The following FGF14 variants were observed in gnomAD, a reference collection of about 807,000 sequenced individuals.
FGF14 encodes fibroblast growth factor 14.
A neutral mutation model predicts 25.5 loss-of-function variants in FGF14; 5 were observed. The observed-to-expected ratio is 0.20, with a 90% confidence interval of 0.10 to 0.41. FGF14 has a LOEUF of 0.41. Ranked by LOEUF, FGF14 falls within the 10% of genes least tolerant of loss-of-function variation. The probability of loss-of-function intolerance (pLI) is 1.00; values close to 1 mark genes in which losing one functional copy is unlikely to be tolerated. For synonymous variants in FGF14, 138 were observed against 118.3 expected, an observed-to-expected ratio of 1.17 and a Z score of -1.08; for missense variants, 222 against 320.1, an observed-to-expected ratio of 0.69 and a Z score of 2.34.
intron 4 of FGF14, among the ~76,000 whole-genome samples, chr13:101,723,566 A>G (rs2035147907): frequency 6.6e-6 from 1 of 152,074 alleles, no homozygotes; most frequent in African/African-American, 2.4e-5. Flanking sequence ...TTCAATGTTC[A>G]TTTCCTACAA....
chr13:102,033,779 T>A (rs1595061968), intron 1 of FGF14, among the ~76,000 whole-genome samples: 2 of 152,258 alleles, frequency 1.3e-5, no homozygotes, highest in South Asian at 4.1e-4. Flanking sequence ...TTGCAAAGAA[T>A]CGTTTGGTTT....
At chr13:102,295,174 G>A (rs2054635509) in intron 1 of FGF14, among the ~76,000 whole-genome samples, 1 of 152,064 alleles carries the variant, frequency 6.6e-6, no homozygotes, top group East Asian at 1.9e-4. Context: ...TTATCACCAG[G>A]CATTTGTTCC....
At chr13:101,936,063 A>G (rs571001901) in intron 1 of FGF14, among the ~76,000 whole-genome samples, 8 of 152,296 alleles carry the variant, frequency 5.3e-5, no homozygotes, top group African/African-American at 1.4e-4. Context: ...CATGTACTGA[A>G]TGCCAGGCAC....
chr13:101,819,678 TCTC>T (rs1416027332), intron 3 of FGF14, among the ~76,000 whole-genome samples: 3 of 152,212 alleles, frequency 2.0e-5, no homozygotes, highest in African/African-American at 7.2e-5. Flanking sequence ...CAAGAAGGTA[TCTC>T]CTATTTTCTA....
chr13:101,897,412 A>C (rs1378222486), intron 1 of FGF14, among the ~76,000 whole-genome samples: 1 of 152,226 alleles, frequency 6.6e-6, no homozygotes, highest in Non-Finnish European at 1.5e-5. Flanking sequence ...TGGCAGCAGC[A>C]TCACAATGAA....
intron 1 of FGF14, among the ~76,000 whole-genome samples, chr13:101,959,717 A>C (rs17687732): frequency 6.6e-6 from 1 of 152,070 alleles, no homozygotes; most frequent in African/African-American, 2.4e-5. Flanking sequence ...TGTTTTGTTC[A>C]TACTCTATTT....
intron 1 of FGF14, chr13:102,293,426 A>T (rs974526336): frequency 6.6e-6 from 1 of 152,210 alleles, no homozygotes; most frequent in Non-Finnish European, 1.5e-5. Flanking sequence ...TACCATAGGT[A>T]CTGCATTTGT....
chr13:101,807,646 C>T (rs2041276199), intron 3 of FGF14, among the ~76,000 whole-genome samples: 1 of 151,728 alleles, frequency 6.6e-6, no homozygotes, highest in African/African-American at 2.4e-5. Flanking sequence ...ACCCTTAGGC[C>T]AGGGAAAATA....
chr13:101,795,209 A>G (rs1390659189), intron 3 of FGF14, among the ~76,000 whole-genome samples: 1 of 152,118 alleles, frequency 6.6e-6, no homozygotes, highest in African/African-American at 2.4e-5. Context: ...CTGCATTCCA[A>G]TAAAGCTTTA....
rs201546903 is a variant in FGF14, at chr13:102,261,591, G to A, written c.208+139880C>T. Among the ~76,000 whole-genome samples, 4 of 152,158 alleles carry A rather than the reference G, an allele frequency of 2.6e-5. No individual in the cohort carries two copies. The East Asian group carries it at 7.7e-4, about 29-fold the overall frequency. On this transcript the variant is annotated intron_variant, in intron 1 of 4. Coordinates refer to the FGF14 transcript ENST00000376131. ...GAAGGAAAGATGACAGCAGGCCTCA[G>A]AAATAATGACTAAATAGTTCCTTTC...
chr13:102,334,537 T>G (rs1364567546), intron 1 of FGF14, among the ~76,000 whole-genome samples: 1 of 152,100 alleles, frequency 6.6e-6, no homozygotes, highest in Non-Finnish European at 1.5e-5. Context: ...ATAAAACAAA[T>G]GAGATGTTCT....
chr13:102,144,130 C>T (rs1429243048), intron 1 of FGF14, among the ~76,000 whole-genome samples: 1 of 152,172 alleles, frequency 6.6e-6, no homozygotes, highest in Non-Finnish European at 1.5e-5. Flanking sequence ...GTCCTCCCAC[C>T]TCAGCCTACT....
chr13:102,244,142 T>C (rs2051740735), intron 1 of FGF14, among the ~76,000 whole-genome samples: 1 of 152,096 alleles, frequency 6.6e-6, no homozygotes, highest in Admixed American at 6.6e-5. Context: ...GTATTCTCCA[T>C]GTGTCCTGTA....
At chr13:101,758,542 G>T (rs1247950703) in intron 3 of FGF14, among the ~76,000 whole-genome samples, 7 of 152,086 alleles carry the variant, frequency 4.6e-5, no homozygotes. Flanking sequence ...AGCATAACAT[G>T]GTAACTATGT....
intron 3 of FGF14, among the ~76,000 whole-genome samples, chr13:101,735,866 T>C (rs2036152483): frequency 6.6e-6 from 1 of 152,126 alleles, no homozygotes; most frequent in East Asian, 1.9e-4. Flanking sequence ...GAACATTGTC[T>C]AAAAGAAAAA....
chr13:102,112,347 C>T (rs553801739), intron 1 of FGF14, among the ~76,000 whole-genome samples: 5 of 152,100 alleles, frequency 3.3e-5, no homozygotes, highest in Non-Finnish European at 4.4e-5. Context: ...AGGTCCCCCG[C>T]CTTCTCCACA....
chr13:102,331,204 T>C (rs1276050020), intron 1 of FGF14, among the ~76,000 whole-genome samples: 1 of 152,190 alleles, frequency 6.6e-6, no homozygotes, highest in Non-Finnish European at 1.5e-5. Context: ...ATGGCCACTT[T>C]TACATTGTCC....
At position 101,836,160 on chromosome 13, in the gene FGF14, G is replaced by C. The variant is rs146511922; in HGVS notation, c.408+32565C>G. Among the ~76,000 whole-genome samples, 542 of 152,120 alleles carry C rather than the reference G, an allele frequency of 3.6e-3. 9 individuals carry two copies. The highest frequency in any genetic ancestry group is 0.012 in the African/African-American group (512 of 41,532). On this transcript the variant is annotated intron_variant, in intron 3 of 4. Transcript: ENST00000376143. The stretch of plus-strand genomic sequence containing the variant: ...TAGCACTTTGCTTGTAAAAGACTGA[G>C]CAATTTGAAGTCTCCAGTGAGGGAA...
chr13:102,154,919 C>G (rs912380186), intron 1 of FGF14, among the ~76,000 whole-genome samples: 6 of 151,844 alleles, frequency 4.0e-5, no homozygotes, highest in African/African-American at 1.5e-4. Context: ...ACAAAGAAGG[C>G]CATTACATAA....
Sources: allele counts gnomAD v4.1 joint callset (sites outside exome capture counted in the v4.1 genomes callset), GRCh38; gene constraint gnomAD v4.1.1; transcripts MANE v1.5; gene names NCBI Gene and HGNC (gene_info 2026-07-23, HGNC 2026-07-21).